Variants in ROR2 observed in about 807,000 individuals in gnomAD.
ROR2 encodes the protein tyrosine-protein kinase transmembrane receptor ROR2.
Under a neutral mutation model 74.9 loss-of-function variants are expected in ROR2, and 33 were observed. The ratio of observed to expected loss-of-function variants is 0.44; its 90% CI spans 0.33 to 0.59. The LOEUF is 0.59. Ranked by LOEUF, ROR2 falls within the 20% of genes least tolerant of loss-of-function variation. The pLI, the probability that ROR2 is intolerant of heterozygous loss-of-function variation, is 0.02. For synonymous variants in ROR2, 586 were observed against 558.7 expected, an observed-to-expected ratio of 1.05 and a Z score of -0.69; for missense variants, 1,216 against 1,313.8, an observed-to-expected ratio of 0.93 and a Z score of 1.15.
chr9:91,936,339 G>C (rs796241354), intron 1 of ROR2, among the ~76,000 whole-genome samples: 3 of 152,302 alleles, frequency 2.0e-5, no homozygotes, highest in African/African-American at 7.2e-5. Context: ...GGCTCCTTCT[G>C]AGGGTCCTCG....
At chr9:91,904,024 T>TTTTTTG (rs1830740602) in intron 1 of ROR2, among the ~76,000 whole-genome samples, 2 of 148,384 alleles carry the variant, frequency 1.3e-5, no homozygotes, top group African/African-American at 5.0e-5. Context: ...TTTTTTTTGA[T>TTTTTTG]TTTTTGTTTT....
intron 4 of ROR2, among the ~76,000 whole-genome samples, chr9:91,752,434 C>A (rs1313013054): frequency 6.6e-6 from 1 of 152,192 alleles, no homozygotes; most frequent in East Asian, 1.9e-4. Flanking sequence ...ATGTACAACA[C>A]AGATGAATCT....
intron 4 of ROR2, among the ~76,000 whole-genome samples, chr9:91,741,609 C>CATAGGA (rs1348341779): frequency 2.0e-5 from 3 of 152,132 alleles, no homozygotes; most frequent in African/African-American, 7.2e-5. Context: ...CTACATATTG[C>CATAGGA]ATAGGAAGTT....
intron 1 of ROR2, among the ~76,000 whole-genome samples, chr9:91,779,522 C>G (rs1213577594): frequency 1.3e-5 from 2 of 151,978 alleles, no homozygotes; most frequent in African/African-American, 2.4e-5. Flanking sequence ...AGGTGCCCAC[C>G]ACCACGCCCG....
At chr9:91,772,416 T>C (rs1377900673) in intron 2 of ROR2, among the ~76,000 whole-genome samples, 1 of 152,148 alleles carries the variant, frequency 6.6e-6, no homozygotes, top group East Asian at 1.9e-4. Flanking sequence ...CTTGAAACTG[T>C]GCTGAGAGCA....
rs1377860827 is a variant in ROR2, at chr9:91,723,721, G to C, written c.2773C>G (p.Leu925Val). 2 of 1,613,840 alleles carry C rather than the reference G, an allele frequency of 1.2e-6. No individual in the cohort carries two copies. Among genetic ancestry groups the C allele is most frequent in the African/African-American group, 2.7e-5 (2 of 74,936 alleles). Reference protein sequence around the residue: ...EEEGSVPETELLGDCDTLQVD... With the variant: ...EEEGSVPETEVLGDCDTLQVD... Reference sequence around the variant, plus strand: ...TGCAGAGTGTCACAGTCCCCCAGCAGCTCAGTCTCTGGGACAGAGCCTTCC... The same window carrying C: ...TGCAGAGTGTCACAGTCCCCCAGCACCTCAGTCTCTGGGACAGAGCCTTCC... The change falls in exon 9 of 9, where the codon CTG becomes GTG. Residue 925 changes from leucine (L) to valine (V), a missense_variant. Transcript: ENST00000375708.
intron 1 of ROR2, among the ~76,000 whole-genome samples, chr9:91,795,815 A>C (rs1827148772): frequency 6.6e-6 from 1 of 152,224 alleles, no homozygotes; most frequent in Non-Finnish European, 1.5e-5. Context: ...TTGTCTGAAC[A>C]ACCAAATAGC....
intron 1 of ROR2, among the ~76,000 whole-genome samples, chr9:91,825,798 A>G (rs1438741283): frequency 1.3e-5 from 2 of 152,232 alleles, no homozygotes; most frequent in African/African-American, 4.8e-5. Context: ...GCCTCAATTT[A>G]GCAAAGCCAC....
intron 1 of ROR2, among the ~76,000 whole-genome samples, chr9:91,802,245 T>C (rs1827412910): frequency 6.6e-6 from 1 of 151,952 alleles, no homozygotes; most frequent in African/African-American, 2.4e-5. Flanking sequence ...GGCTAACTTT[T>C]TTTTGTATTT....
intron 5 of ROR2, among the ~76,000 whole-genome samples, chr9:91,735,475 G>A (rs1256197528): frequency 6.6e-6 from 1 of 152,112 alleles, no homozygotes; most frequent in African/African-American, 2.4e-5. Context: ...GGACAATCTT[G>A]TGCCCTGGAT....
intron 1 of ROR2, among the ~76,000 whole-genome samples, chr9:91,785,510 G>T (rs1274022877): frequency 6.6e-6 from 1 of 152,238 alleles, no homozygotes; most frequent in Non-Finnish European, 1.5e-5. Flanking sequence ...CTGGAATAGA[G>T]CCCAAGATGC....
At chr9:91,801,619 A>C (rs1283420120) in intron 1 of ROR2, among the ~76,000 whole-genome samples, 1 of 152,122 alleles carries the variant, frequency 6.6e-6, no homozygotes, top group Non-Finnish European at 1.5e-5. Context: ...CGTGAGCCAC[A>C]GCTCCTGGCC....
At chr9:91,832,852 C>A (rs1456202837) in intron 1 of ROR2, among the ~76,000 whole-genome samples, 1 of 152,306 alleles carries the variant, frequency 6.6e-6, no homozygotes, top group South Asian at 2.1e-4. Context: ...AGAAATACAA[C>A]GTCCATCTTG....
intron 1 of ROR2, among the ~76,000 whole-genome samples, chr9:91,836,383 T>C (rs949442669): frequency 1.3e-5 from 2 of 151,702 alleles, no homozygotes; most frequent in African/African-American, 4.9e-5. Flanking sequence ...CTACTAAAAA[T>C]ACAAAAATTA....
chr9:91,941,556 G>C (rs1222541696), intron 1 of ROR2, among the ~76,000 whole-genome samples: 3 of 152,156 alleles, frequency 2.0e-5, no homozygotes, highest in Non-Finnish European at 4.4e-5. Flanking sequence ...AGACAAGTCT[G>C]ACAACACGTT....
chr9:91,733,177 G>A lies in ROR2; in HGVS notation c.882C>T (p.Ser294=). ...PKCEALPMPE[S]PDAANCMRIG... ...TGCGCATGCAGTTGGCAGCGTCGGG[G>A]CTCTCAGGCATGGGCAGCGCCTCAC... Residue 294 remains serine, a synonymous_variant, in exon 6 of 9, where the codon AGC becomes AGT. Coordinates refer to ENST00000375708, the MANE Select transcript of ROR2 (RefSeq NM_004560.4). The surrounding 1 kb of genome is among the most constrained non-coding windows in gnomAD (Gnocchi z 5.7). The A allele has an allele frequency of 6.2e-7, 1 of 1,609,198 alleles. No individual in the cohort carries two copies.
intron 1 of ROR2, among the ~76,000 whole-genome samples, chr9:91,799,600 C>G (rs971508788): frequency 2.6e-5 from 4 of 152,184 alleles, no homozygotes; most frequent in Admixed American, 6.5e-5. Flanking sequence ...TGCCACCTAC[C>G]AGCCCTGAGC....
intron 1 of ROR2, among the ~76,000 whole-genome samples, chr9:91,891,428 C>T (rs1282437610): frequency 6.6e-6 from 1 of 152,000 alleles, no homozygotes; most frequent in Non-Finnish European, 1.5e-5. Context: ...AACACCACTC[C>T]CGGCTAATTT....
At chr9:91,765,173 T>C (rs1826024944) in intron 2 of ROR2, among the ~76,000 whole-genome samples, 1 of 152,232 alleles carries the variant, frequency 6.6e-6, no homozygotes, top group Non-Finnish European at 1.5e-5. Flanking sequence ...ATAATTCCAC[T>C]GTGCTCTCTC....
Sources: gnomAD v4.1 joint callset for allele counts (sites outside exome capture counted in the v4.1 genomes callset) on GRCh38, gnomAD v4.1.1 for gene constraint, Gnocchi (gnomAD v3.1) non-coding constraint, MANE v1.5 for transcripts, NCBI Gene and HGNC (gene_info 2026-07-23, HGNC 2026-07-21) for gene names.